PRDM16: variants seen among roughly 807,000 people sequenced by gnomAD.
The protein encoded by PRDM16 is PR/SET domain 16.
In PRDM16, 23 loss-of-function variants were observed where a neutral mutation model predicts 110.6. The ratio of observed to expected loss-of-function variants is 0.21; its 90% CI spans 0.15 to 0.29. The LOEUF (loss-of-function observed/expected upper bound fraction) is 0.29. Ranked by LOEUF, PRDM16 falls within the 10% of genes least tolerant of loss-of-function variation. PRDM16 has a pLI of 1.00. For missense variants in PRDM16, 1,615 were observed against 1,794.3 expected (o/e 0.90, Z 1.81); for synonymous variants, 799 against 781.8 (o/e 1.02, Z -0.37).
chr1:3,188,537 C>T (rs369054502), intron 2 of PRDM16, among the ~76,000 whole-genome samples: 4 of 152,322 alleles, frequency 2.6e-5, no homozygotes, highest in East Asian at 3.9e-4. Context: ...CCCGTTTCTG[C>T]GGAGGGCTTT....
intron 1 of PRDM16, among the ~76,000 whole-genome samples, chr1:3,112,711 C>T (rs1303353246): frequency 1.3e-5 from 2 of 152,252 alleles, no homozygotes; most frequent in African/African-American, 4.8e-5. Context: ...CCCCTGCAGC[C>T]GGGCAGCTGC....
At chr1:3,140,229 G>A (rs1643522134) in intron 1 of PRDM16, among the ~76,000 whole-genome samples, 1 of 152,242 alleles carries the variant, frequency 6.6e-6, no homozygotes, top group Non-Finnish European at 1.5e-5. Context: ...TAGGAACCTG[G>A]TTTTTATTAA....
Position 3,265,147 on chromosome 1 carries a change from C to G in PRDM16, c.438+21010C>G, listed in dbSNP as rs866095515. On this transcript the variant is annotated intron_variant, in intron 3 of 16. Transcript: ENST00000270722. This position sits in a 1 kb window ranked among gnomAD's most constrained non-coding sequence, Gnocchi z 4.5. ...CTGGTGCCACCTATTGAGGCCGAGG[C>G]GAGCGGGCTGTTAGGACTGGGACTG... Among the ~76,000 whole-genome samples, 2 of 152,058 alleles carry G rather than the reference C, an allele frequency of 1.3e-5. No individual in the cohort carries two copies. The highest frequency in any genetic ancestry group is 2.4e-5 in the African/African-American group (1 of 41,384).
chr1:3,412,203 A>G lies in PRDM16; in HGVS notation c.2006A>G (p.Tyr669Cys), dbSNP rs1643702661. The G allele has an allele frequency of 6.2e-7, 1 of 1,602,516 alleles. No individual in the cohort carries two copies. The change falls in exon 9 of 17, where the codon TAT becomes TGT. Residue 669 changes from tyrosine to cysteine, a missense_variant. Tyr to Cys is a radical substitution (Grantham distance 194, BLOSUM62 -2). Coordinates refer to ENST00000270722, the MANE Select transcript of PRDM16 (RefSeq NM_022114.4). ...AGCGTGGCCGAGGTGCCTGTCTTCT[A>G]TTCCCAGCACTCATTCTTCCCGCCA... ...PNSVAEVPVF[Y>C]SQHSFFPPPD...
chr1:3,277,862 C>T (rs1435434859), intron 3 of PRDM16, among the ~76,000 whole-genome samples: 3 of 152,234 alleles, frequency 2.0e-5, no homozygotes, highest in African/African-American at 7.2e-5. Flanking sequence ...TGCATAACCA[C>T]TGTGTAAACA....
At chr1:3,225,789 C>T (rs909482189) in intron 2 of PRDM16, among the ~76,000 whole-genome samples, 1 of 152,186 alleles carries the variant, frequency 6.6e-6, no homozygotes, top group Non-Finnish European at 1.5e-5. Context: ...AGTGGGCAAT[C>T]GGCCCCACCT....
Position 3,417,883 on chromosome 1 carries a change from C to A in PRDM16, c.2747C>A (p.Ala916Glu). Reference sequence around the variant, plus strand: ...CTGGAGAGCTTTGCAGCCATGAAGGCGGACTCGGGCAGCTCCCTGCAGCCC... The same window carrying A: ...CTGGAGAGCTTTGCAGCCATGAAGGAGGACTCGGGCAGCTCCCTGCAGCCC... ...EKLESFAAMK[A>E]DSGSSLQPLP... Residue 916 changes from alanine to glutamate, a missense_variant, in exon 11 of 17, where the codon GCG (alanine) becomes GAG (glutamate). Transcript: ENST00000270722. The A allele has an allele frequency of 6.2e-7, 1 of 1,613,642 alleles. No homozygotes were observed. The highest frequency in any genetic ancestry group is 1.1e-5 in the South Asian group (1 of 91,072).
Position 3,359,030 on chromosome 1 carries a change from G to C in PRDM16, c.439-26122G>C, listed in dbSNP as rs1642665319. ...TCGCGGAGTCCTCACTGGCCAACTA[G>C]AGTCTTCAAATCAACCAATGTCCAT... On this transcript the variant is annotated intron_variant, in intron 3 of 16. Transcript: ENST00000270722. This position sits in a 1 kb window ranked among gnomAD's most constrained non-coding sequence, Gnocchi z 4.3. Among the ~76,000 whole-genome samples, 1 of 152,162 alleles carries C rather than the reference G, an allele frequency of 6.6e-6. No homozygotes were observed. The highest frequency in any genetic ancestry group is 2.1e-4 in the South Asian group (1 of 4,822).
At chr1:3,074,171 T>TG (rs1261962791) in intron 1 of PRDM16, among the ~76,000 whole-genome samples, 1 of 151,876 alleles carries the variant, frequency 6.6e-6, no homozygotes, top group East Asian at 1.9e-4. Context: ...CTAGTGCACT[T>TG]GGGGGACAGG....
Position 3,125,049 on chromosome 1 carries a change from A to T in PRDM16, c.37+55753A>T, listed in dbSNP as rs557523146. Among the ~76,000 whole-genome samples the T allele has an allele frequency of 2.4e-4, 36 of 152,306 alleles. 1 individual carries two copies. The South Asian group carries it at 5.4e-3, about 23-fold the overall frequency. On this transcript the variant is annotated intron_variant, in intron 1 of 16. Coordinates refer to ENST00000270722, the MANE Select transcript of PRDM16 (RefSeq NM_022114.4). ...CTGGGCTCTTTGCATGTCTCTGGGAAAACCTGATCAGCTGACCCAAACCAA... is the reference window on the plus strand; with the variant it reads ...CTGGGCTCTTTGCATGTCTCTGGGATAACCTGATCAGCTGACCCAAACCAA...
At chr1:3,306,848 C>T (rs1441563102) in intron 3 of PRDM16, 1 of 152,084 alleles carries the variant, frequency 6.6e-6, no homozygotes, top group East Asian at 1.9e-4. Flanking sequence ...TCCCCCTGCC[C>T]CCAGCCACTG....
intron 1 of PRDM16, among the ~76,000 whole-genome samples, chr1:3,117,859 A>T (rs969404334): frequency 2.6e-5 from 4 of 152,104 alleles, no homozygotes; most frequent in Non-Finnish European, 5.9e-5. Flanking sequence ...TTCCACTTGG[A>T]ATGCAGGACA....
At chr1:3,071,996 C>G (rs1314740407) in intron 1 of PRDM16, among the ~76,000 whole-genome samples, 1 of 152,192 alleles carries the variant, frequency 6.6e-6, no homozygotes, top group Non-Finnish European at 1.5e-5. Flanking sequence ...GGGCTTCCAG[C>G]TGAGCTTTCC....
chr1:3,295,585 G>T (rs2100372258), intron 3 of PRDM16, among the ~76,000 whole-genome samples: 1 of 152,268 alleles, frequency 6.6e-6, no homozygotes. Context: ...CTCCCCGGGG[G>T]CCGTAACTCA....
chr1:3,181,093 CACACGCAGTCTT>C (rs142464551), intron 1 of PRDM16, among the ~76,000 whole-genome samples: 62,033 of 127,474 alleles, frequency 0.49, 9,493 homozygotes, highest in Admixed American at 0.56. Flanking sequence ...CACGGCCTTA[CACACGCAGTCTT>C]ACACGCGGCC....
intron 1 of PRDM16, among the ~76,000 whole-genome samples, chr1:3,135,400 A>C (rs1246289261): frequency 6.6e-6 from 1 of 152,144 alleles, no homozygotes; most frequent in African/African-American, 2.4e-5. Context: ...AAGAAAACAC[A>C]AGAGCCCACA....
intron 1 of PRDM16, among the ~76,000 whole-genome samples, chr1:3,084,038 G>A (rs1642092407): frequency 6.6e-6 from 1 of 152,254 alleles, no homozygotes; most frequent in Admixed American, 6.5e-5. Context: ...CCTGGGTCTT[G>A]GCAGACCCAC....
intron 4 of PRDM16, among the ~76,000 whole-genome samples, chr1:3,387,292 T>G (rs915340806): frequency 1.3e-5 from 2 of 152,126 alleles, no homozygotes; most frequent in Non-Finnish European, 2.9e-5. Flanking sequence ...CTCAGATACC[T>G]CCTGACCTGC....
chr1:3,379,250 T>C (rs867415160), intron 3 of PRDM16, among the ~76,000 whole-genome samples: 59 of 14,812 alleles, frequency 4.0e-3, no homozygotes, highest in Admixed American at 8.4e-3. Flanking sequence ...CCCAACACAG[T>C]CCTCCCAGCA....
Sources: gnomAD v4.1 joint callset for allele counts (sites outside exome capture counted in the v4.1 genomes callset) on GRCh38, gnomAD v4.1.1 for gene constraint, Gnocchi (gnomAD v3.1) non-coding constraint, MANE v1.5 for transcripts, NCBI Gene and HGNC (gene_info 2026-07-23, HGNC 2026-07-21) for gene names.